The following ASPH variants were observed in gnomAD, a reference collection of about 807,000 sequenced individuals.
ASPH encodes aspartate beta-hydroxylase, also known as aspartyl/asparaginyl beta-hydroxylase.
A neutral mutation model predicts 118.4 loss-of-function variants in ASPH; 100 were observed. The observed-to-expected ratio is 0.84, with a 90% CI of 0.72 to 1.00. The LOEUF (loss-of-function observed/expected upper bound fraction) is 1.00. Ranked by LOEUF, ASPH falls within the 50% of genes least tolerant of loss-of-function variation. The probability of loss-of-function intolerance (pLI) is 0.00; values close to 1 mark genes in which losing one functional copy is unlikely to be tolerated. For synonymous variants in ASPH, 315 were observed against 325.6 expected, an observed-to-expected ratio of 0.97 and a Z score of 0.35; for missense variants, 920 against 919.5, an observed-to-expected ratio of 1.00 and a Z score of -0.01.
intron 13 of ASPH, chr8:61,625,727 G>A: frequency 2.0e-6 from 2 of 985,312 alleles, no homozygotes; most frequent in Non-Finnish European, 2.4e-6. Flanking sequence ...AGAAATTTTT[G>A]ATAAGAATAT....
chr8:61,531,090 AT>A (rs548323116), intron 21 of ASPH, among the ~76,000 whole-genome samples: 8 of 151,930 alleles, frequency 5.3e-5, no homozygotes, highest in Non-Finnish European at 7.4e-5. Context: ...CACATGCAGC[AT>A]TTTTTTTCTG....
At chr8:61,566,227 C>T (rs972229675) in intron 17 of ASPH, among the ~76,000 whole-genome samples, 13 of 152,274 alleles carry the variant, frequency 8.5e-5, no homozygotes, top group Middle Eastern at 6.8e-3. Flanking sequence ...GAGGAAGTTG[C>T]TTCCAACCCT....
At chr8:61,649,307 G>A (rs1347281280) in intron 5 of ASPH, among the ~76,000 whole-genome samples, 1 of 152,078 alleles carries the variant, frequency 6.6e-6, no homozygotes, top group South Asian at 2.1e-4. Context: ...AGGGTAGGAG[G>A]ACCATTAACT....
intron 1 of ASPH, among the ~76,000 whole-genome samples, chr8:61,690,653 T>C (rs1164096121): frequency 1.3e-5 from 2 of 152,196 alleles, no homozygotes; most frequent in African/African-American, 4.8e-5. Flanking sequence ...ACAAATAGTA[T>C]CTAGAGCAGG....
chr8:61,519,445 T>G (rs1035482889), intron 22 of ASPH, among the ~76,000 whole-genome samples: 2 of 152,202 alleles, frequency 1.3e-5, no homozygotes, highest in African/African-American at 4.8e-5. Context: ...AAATTCACGT[T>G]GTTCAAAGGC....
At chr8:61,509,208 A>G (rs533749031) in intron 24 of ASPH, among the ~76,000 whole-genome samples, 17 of 152,302 alleles carry the variant, frequency 1.1e-4, no homozygotes, top group African/African-American at 4.1e-4. Context: ...GGGTTCTTGG[A>G]TCTCAAACAA....
chr8:61,528,832 C>T (rs1407721665), intron 21 of ASPH, among the ~76,000 whole-genome samples: 1 of 152,158 alleles, frequency 6.6e-6, no homozygotes, highest in East Asian at 1.9e-4. Flanking sequence ...ATATGTGGCA[C>T]ACATGTACTG....
chr8:61,624,960 C>T, intron 13 of ASPH: 1 of 985,102 alleles, frequency 1.0e-6, no homozygotes, highest in Non-Finnish European at 1.2e-6. Flanking sequence ...ATGCAGGACT[C>T]ACTACATTGT....
At chr8:61,636,952 C>T (rs185883894) in intron 12 of ASPH, among the ~76,000 whole-genome samples, 82 of 152,260 alleles carry the variant, frequency 5.4e-4, no homozygotes, top group Middle Eastern at 3.4e-3. Context: ...AGGGGTCTCT[C>T]GCAGCAGCTA....
chr8:61,635,438 T>A (rs913145898), intron 12 of ASPH, among the ~76,000 whole-genome samples: 4 of 152,098 alleles, frequency 2.6e-5, no homozygotes, highest in African/African-American at 9.7e-5. Flanking sequence ...CTCACCCAAC[T>A]AGCTCAGGTT....
chr8:61,525,509 A>G (rs1008441642), intron 22 of ASPH, among the ~76,000 whole-genome samples: 7 of 152,060 alleles, frequency 4.6e-5, no homozygotes. Flanking sequence ...GTGTGTTACC[A>G]TTTTTACCAG....
chr8:61,507,682 G>A (rs1278496662), intron 24 of ASPH, among the ~76,000 whole-genome samples: 3 of 151,988 alleles, frequency 2.0e-5, no homozygotes, highest in African/African-American at 4.8e-5. Flanking sequence ...CACAACAAAG[G>A]GAGAGGAGCA....
At chr8:61,638,461 T>C in intron 10 of ASPH, 98 bp from the exon 11 acceptor site, 1 of 1,050,134 alleles carries the variant, frequency 9.5e-7, no homozygotes, top group Non-Finnish European at 1.4e-6. Flanking sequence ...TTATGCATCT[T>C]TGAACCTGCA....
intron 14 of ASPH, chr8:61,607,013 G>C: frequency 2.5e-6 from 1 of 407,956 alleles, no homozygotes; most frequent in East Asian, 4.2e-5. Context: ...GAAGACTCCA[G>C]TTGCTTTCCA....
intron 2 of ASPH, among the ~76,000 whole-genome samples, chr8:61,681,541 A>C (rs796261530): frequency 6.6e-6 from 1 of 151,854 alleles, no homozygotes; most frequent in African/African-American, 2.4e-5. Flanking sequence ...CTAAAAAATC[A>C]TTAATTTTAT....
chr8:61,554,463 G>A (rs1001836557), intron 19 of ASPH, among the ~76,000 whole-genome samples: 3 of 152,054 alleles, frequency 2.0e-5, no homozygotes, highest in African/African-American at 7.2e-5. Context: ...CATAAAAGTG[G>A]AATATATTGA....
rs142840095 is a variant in ASPH, at chr8:61,505,160, G to A, written c.2127-1651C>T. 7.3e-4 allele frequency among the ~76,000 whole-genome samples: 111 copies of A among 152,190 alleles called. 1 individual carries two copies. The Middle Eastern group carries it at 0.027, about 37-fold the overall frequency. On this transcript the variant is annotated intron_variant, in intron 24 of 24. Coordinates refer to ENST00000379454, the MANE Select transcript of ASPH (RefSeq NM_004318.4). ...TCTGATGGTTTCATCAGGGGTTCCC[G>A]CTTTTGCATCTTCCTTATTTTCTCT...
chr8:61,600,547 C>T (rs1449457616), intron 14 of ASPH, among the ~76,000 whole-genome samples: 2 of 151,030 alleles, frequency 1.3e-5, no homozygotes, highest in East Asian at 3.9e-4. Context: ...GATACAAAAT[C>T]AATATGCAAA....
At chr8:61,655,884 G>C (rs548064066) in intron 3 of ASPH, among the ~76,000 whole-genome samples, 2 of 152,164 alleles carry the variant, frequency 1.3e-5, no homozygotes, top group Non-Finnish European at 2.9e-5. Context: ...AAGAAGCTGA[G>C]ATCATATTAC....
Sources: allele counts gnomAD v4.1 joint callset (sites outside exome capture counted in the v4.1 genomes callset), GRCh38; gene constraint gnomAD v4.1.1; transcripts MANE v1.5; gene names NCBI Gene and HGNC (gene_info 2026-07-23, HGNC 2026-07-21).